PM20D2: variants seen among roughly 807,000 people sequenced by gnomAD.
PM20D2 encodes the protein xaa-Arg dipeptidase.
PM20D2 carries 33 observed loss-of-function variants against 42.9 expected under a neutral mutation model. The observed-to-expected ratio is 0.77, with a 90% CI of 0.58 to 1.03. The LOEUF (loss-of-function observed/expected upper bound fraction) is 1.03. Ranked by LOEUF, PM20D2 falls within the 50% of genes least tolerant of loss-of-function variation. The probability of loss-of-function intolerance (pLI) is 0.00; values close to 1 mark genes in which losing one functional copy is unlikely to be tolerated. For synonymous variants in PM20D2, 250 were observed against 228.2 expected, an observed-to-expected ratio of 1.10 and a Z score of -0.86; for missense variants, 548 against 557.0, an observed-to-expected ratio of 0.98 and a Z score of 0.16.
chr6:89,107,113 T>A, the PM20D2 span: 1 of 1,519,200 alleles, frequency 6.6e-7, no homozygotes, highest in Non-Finnish European at 9.1e-7. Context: ...TAAGCACGCA[T>A]ATACAGTATA....
At chr6:89,114,990 G>A in the PM20D2 span, among the ~76,000 whole-genome samples, 2 of 152,080 alleles carry the variant, frequency 1.3e-5, no homozygotes, top group Admixed American at 1.3e-4. Context: ...TAGAGACGGT[G>A]TTTTACCATG....
Position 89,163,431 on chromosome 6 carries a change from C to T in PM20D2, c.*1168C>T, listed in dbSNP as rs1333652859. 1 of 152,214 alleles carries T rather than the reference C, an allele frequency of 6.6e-6. No individual in the cohort carries two copies. The highest frequency in any genetic ancestry group is 1.9e-4 in the East Asian group (1 of 5,198). The allele number at this position is 152,214 out of a possible 1,614,324, so 9.4% of individuals were successfully genotyped here. A position where few individuals can be genotyped will look rare whatever the true frequency, so the allele number is the denominator to read the frequency against. On this transcript the variant is annotated 3_prime_UTR_variant, in exon 7 of 7. Coordinates refer to ENST00000275072, the MANE Select transcript of PM20D2 (RefSeq NM_001010853.3). ...TCCTGGGCTCAAGCAATCCTCCTGT[C>T]TTGGCCTCCCAAAGTGTTGGGATTT...
At chr6:89,134,692 CACA>C in the PM20D2 span, among the ~76,000 whole-genome samples, 1 of 151,112 alleles carries the variant, frequency 6.6e-6, no homozygotes, top group African/African-American at 2.5e-5. Context: ...TATATAAGAA[CACA>C]ACATTACAAA....
the PM20D2 span, chr6:89,118,015 C>T: frequency 3.1e-6 from 3 of 978,208 alleles, no homozygotes; most frequent in Non-Finnish European, 4.3e-6. Flanking sequence ...GGCCTCAGCC[C>T]CGCCAGCGCG....
the PM20D2 span, among the ~76,000 whole-genome samples, chr6:89,111,429 T>G: frequency 6.6e-6 from 1 of 152,192 alleles, no homozygotes; most frequent in South Asian, 2.1e-4. Context: ...AATGCAACTG[T>G]TTTTTAAAAT....
chr6:89,095,826 T>C, the PM20D2 span: 1 of 152,236 alleles, frequency 6.6e-6, no homozygotes, highest in African/African-American at 2.4e-5. Context: ...GCCGCTGTCA[T>C]GGCAGTCTCT....
At chr6:89,131,250 C>A in the PM20D2 span, among the ~76,000 whole-genome samples, 1 of 152,028 alleles carries the variant, frequency 6.6e-6, no homozygotes, top group South Asian at 2.1e-4. Context: ...AAGGTGGAGC[C>A]CTCATGACCT....
chr6:89,153,944 T>C (rs1289729806), intron 3 of PM20D2, among the ~76,000 whole-genome samples: 1 of 152,210 alleles, frequency 6.6e-6, no homozygotes, highest in Non-Finnish European at 1.5e-5. Flanking sequence ...ATCACCATAA[T>C]ATAAATACAG....
At chr6:89,102,608 G>A in the PM20D2 span, among the ~76,000 whole-genome samples, 1 of 151,962 alleles carries the variant, frequency 6.6e-6, no homozygotes, top group African/African-American at 2.4e-5. Context: ...AAAGAAGGAC[G>A]CTATAATATA....
At position 89,146,395 on chromosome 6, in the gene PM20D2, C is replaced by T. The variant is rs947908431; in HGVS notation, c.251C>T (p.Pro84Leu). 2 of 1,529,614 alleles carry T rather than the reference C, an allele frequency of 1.3e-6. No individual in the cohort carries two copies. The highest frequency in any genetic ancestry group is 2.8e-5 in the African/African-American group (2 of 71,486). 94.8% of individuals were successfully genotyped at this position (1,529,614 alleles called of 1,614,324 possible). ...SWAVQPHYQL[P>L]TAFRAEWEPP... ...GCAGTGCAGCCGCACTACCAGCTGC[C>T]CACGGCCTTCCGCGCCGAGTGGGAG... The change falls in exon 1 of 7, where the codon CCC becomes CTC. Residue 84 changes from proline to leucine, a missense_variant. Transcript: ENST00000275072.
the PM20D2 span, among the ~76,000 whole-genome samples, chr6:89,118,359 C>A: frequency 1.3e-5 from 2 of 152,228 alleles, no homozygotes; most frequent in Non-Finnish European, 2.9e-5. Context: ...CTTTCAACCG[C>A]GCCCCCGCTC....
chr6:89,135,302 TTTA>T, the PM20D2 span, among the ~76,000 whole-genome samples: 2 of 151,338 alleles, frequency 1.3e-5, no homozygotes, highest in African/African-American at 2.5e-5. Flanking sequence ...TAAATTTGTT[TTTA>T]TTATTGATCA....
At chr6:89,157,525 ATCT>A (rs965096251) in intron 4 of PM20D2, among the ~76,000 whole-genome samples, 3 of 152,178 alleles carry the variant, frequency 2.0e-5, no homozygotes, top group Non-Finnish European at 2.9e-5. Flanking sequence ...CTCATTGCAA[ATCT>A]TCTACATTTC....
rs760804770 is a variant in PM20D2, at chr6:89,153,061, T to C, written c.633T>C (p.Tyr211=). The change falls in exon 3 of 7, where the codon TAT becomes TAC. Residue 211 remains tyrosine (Y), a synonymous_variant. Coordinates refer to ENST00000275072, the MANE Select transcript of PM20D2 (RefSeq NM_001010853.3). The part of the protein sequence containing the change: ...MAEHDVTVKY[Y]GKASHSASYP... ...TTCCTAGTGTGACTGTGAAATACTATGGAAAAGCATCTCATTCTGCTTCTT... is the reference window on the plus strand; with the variant it reads ...TTCCTAGTGTGACTGTGAAATACTACGGAAAAGCATCTCATTCTGCTTCTT... The C allele has an allele frequency of 1.2e-6, 2 of 1,602,320 alleles. No individual in the cohort carries two copies. The highest frequency in any genetic ancestry group is 1.1e-5 in the South Asian group (1 of 89,754).
At chr6:89,146,842 C>T (rs1562245930) in intron 1 of PM20D2, among the ~76,000 whole-genome samples, 1 of 152,236 alleles carries the variant, frequency 6.6e-6, no homozygotes, top group Non-Finnish European at 1.5e-5. Context: ...TTATTGTTTC[C>T]TCCTCTCTAG....
chr6:89,140,515 T>C, the PM20D2 span, among the ~76,000 whole-genome samples: 1 of 149,716 alleles, frequency 6.7e-6, no homozygotes, highest in African/African-American at 2.5e-5. Context: ...TCAAGGACTT[T>C]AAAAGCACTG....
chr6:89,158,977 T>C (rs910130459), intron 5 of PM20D2, among the ~76,000 whole-genome samples: 2 of 152,192 alleles, frequency 1.3e-5, no homozygotes, highest in African/African-American at 4.8e-5. Flanking sequence ...GTTGTTGAAG[T>C]AGGCCCAAAA....
At position 89,162,572 on chromosome 6, in the gene PM20D2, C is replaced by T. The variant is rs1771283059; in HGVS notation, c.*309C>T. On this transcript the variant is annotated 3_prime_UTR_variant, in exon 7 of 7. Coordinates refer to ENST00000275072, the MANE Select transcript of PM20D2 (RefSeq NM_001010853.3). The stretch of plus-strand genomic sequence containing the variant: ...ATTTCTTAACCTGGAGGATACATGG[C>T]ATCATTTTTATAAAATATGTTAGTA... 5.0e-6 allele frequency: 1 copy of T among 199,096 alleles called. No homozygotes were observed. Among genetic ancestry groups the T allele is most frequent in the Non-Finnish European group, 1.0e-5 (1 of 98,684 alleles). The allele number at this position is 199,096 out of a possible 1,614,324, so 12.3% of individuals were successfully genotyped here.
At chr6:89,107,732 C>T in the PM20D2 span, among the ~76,000 whole-genome samples, 1 of 151,738 alleles carries the variant, frequency 6.6e-6, no homozygotes, top group Non-Finnish European at 1.5e-5. Context: ...AGAGTGAGAC[C>T]CTGTCTCAAA....
Sources: allele counts gnomAD v4.1 joint callset (sites outside exome capture counted in the v4.1 genomes callset), GRCh38; gene constraint gnomAD v4.1.1; transcripts MANE v1.5; gene names NCBI Gene and HGNC (gene_info 2026-07-23, HGNC 2026-07-21).